The following SHC3 variants were observed in gnomAD, a reference collection of about 807,000 sequenced individuals.
The protein encoded by SHC3 is SHC-transforming protein 3.
A neutral mutation model predicts 60.4 loss-of-function variants in SHC3; 15 were observed. The ratio of observed to expected loss-of-function variants is 0.25; its 90% CI spans 0.17 to 0.38. The LOEUF is 0.38. Ranked by LOEUF, SHC3 falls within the 10% of genes least tolerant of loss-of-function variation. The pLI is 1.00. For missense variants in SHC3, 677 were observed against 786.1 expected (o/e 0.86, Z 1.66); for synonymous variants, 294 against 325.9 (o/e 0.90, Z 1.05).
At chr9:89,030,173 G>A (rs1233422379) in intron 11 of SHC3, among the ~76,000 whole-genome samples, 1 of 151,954 alleles carries the variant, frequency 6.6e-6, no homozygotes, top group African/African-American at 2.4e-5. Context: ...TATCCATCAG[G>A]GAGATACAAA....
At chr9:89,131,888 A>T (rs1269796579) in intron 1 of SHC3, among the ~76,000 whole-genome samples, 1 of 152,150 alleles carries the variant, frequency 6.6e-6, no homozygotes, top group African/African-American at 2.4e-5. Context: ...TATTCAACAT[A>T]GTGTTGGAAG....
At chr9:89,106,925 C>G (rs1217210924) in intron 2 of SHC3, among the ~76,000 whole-genome samples, 2 of 152,014 alleles carry the variant, frequency 1.3e-5, no homozygotes, top group East Asian at 1.9e-4. Context: ...CAGAATGAGG[C>G]CTGGAGGAAG....
intron 1 of SHC3, among the ~76,000 whole-genome samples, chr9:89,117,626 T>C (rs1007728450): frequency 6.6e-6 from 1 of 152,188 alleles, no homozygotes. Context: ...AAATTATGAC[T>C]GTAGTAATTA....
intron 1 of SHC3, among the ~76,000 whole-genome samples, chr9:89,121,892 A>G (rs1826097618): frequency 6.6e-6 from 1 of 152,238 alleles, no homozygotes; most frequent in Non-Finnish European, 1.5e-5. Context: ...AATTACAGCA[A>G]TTGCACAGAG....
At chr9:89,157,626 T>A (rs1826642326) in intron 1 of SHC3, among the ~76,000 whole-genome samples, 1 of 151,466 alleles carries the variant, frequency 6.6e-6, no homozygotes. Flanking sequence ...GTTTAACAAT[T>A]TTTTTTTTAT....
intron 1 of SHC3, among the ~76,000 whole-genome samples, chr9:89,122,203 C>T (rs936597639): frequency 3.3e-5 from 5 of 152,232 alleles, no homozygotes; most frequent in Non-Finnish European, 5.9e-5. Context: ...ATACCAGTGA[C>T]AGAACAGCAA....
chr9:89,097,964 C>A (rs1825729831), intron 2 of SHC3, among the ~76,000 whole-genome samples: 1 of 152,136 alleles, frequency 6.6e-6, no homozygotes. Context: ...ATCAAAGATG[C>A]ACATAAAAAT....
chr9:89,112,476 T>C, intron 2 of SHC3, 80 bp downstream of exon 2: 1 of 1,512,948 alleles, frequency 6.6e-7, no homozygotes, highest in East Asian at 2.3e-5. Flanking sequence ...TCTTTTCTTC[T>C]AAAAATGTGT....
chr9:89,158,302 G>T (rs1826656132), intron 1 of SHC3, among the ~76,000 whole-genome samples: 1 of 151,888 alleles, frequency 6.6e-6, no homozygotes, highest in Admixed American at 6.6e-5. Flanking sequence ...AAAGTTTGGA[G>T]ATTTTCTTAT....
chr9:89,168,264 G>A (rs1457637364), intron 1 of SHC3, among the ~76,000 whole-genome samples: 1 of 152,130 alleles, frequency 6.6e-6, no homozygotes, highest in Non-Finnish European at 1.5e-5. Flanking sequence ...TCGGGAGTTC[G>A]AGACCAGCCA....
intron 2 of SHC3, among the ~76,000 whole-genome samples, chr9:89,097,544 G>A (rs35738012): frequency 0.13 from 19,878 of 152,240 alleles, 1,720 homozygotes; most frequent in Non-Finnish European, 0.19. Context: ...TAACTTCTTC[G>A]CATGGAGTTT....
At chr9:89,097,655 G>A (rs1253940956) in intron 2 of SHC3, among the ~76,000 whole-genome samples, 1 of 152,122 alleles carries the variant, frequency 6.6e-6, no homozygotes, top group African/African-American at 2.4e-5. Context: ...AACAAATAAT[G>A]ATTGAGCACC....
Position 89,013,485 on chromosome 9 carries a change from C to G in SHC3, c.1747G>C (p.Glu583Gln). The G allele has an allele frequency of 6.2e-7, 1 of 1,613,688 alleles. No homozygotes were observed. The highest frequency in any genetic ancestry group is 8.5e-7 in the Non-Finnish European group (1 of 1,179,794). The change falls in exon 12 of 12, where the codon GAG becomes CAG. Residue 583 changes from glutamate (E) to glutamine (Q), a missense_variant. Glu to Gln is a conservative substitution (Grantham distance 29). Coordinates refer to ENST00000375835, the MANE Select transcript of SHC3 (RefSeq NM_016848.6). Reference sequence around the variant, plus strand: ...TCCACTGGCTGCTGGAGACACAGCTCACTCCCTGCAGAGACAATGGGCAGG... The same window carrying G: ...TCCACTGGCTGCTGGAGACACAGCTGACTCCCTGCAGAGACAATGGGCAGG... The part of the protein sequence containing the change: ...SSLPIVSAGS[E>Q]LCLQQPVERK...
At chr9:89,106,159 G>C (rs1489531481) in intron 2 of SHC3, among the ~76,000 whole-genome samples, 1 of 152,138 alleles carries the variant, frequency 6.6e-6, no homozygotes, top group East Asian at 1.9e-4. Context: ...TCTCTGCTGA[G>C]TATTAGTGTG....
intron 1 of SHC3, among the ~76,000 whole-genome samples, chr9:89,139,287 T>A (rs1019438711): frequency 6.6e-6 from 1 of 152,192 alleles, no homozygotes; most frequent in African/African-American, 2.4e-5. Context: ...GAGACTAGAA[T>A]CTAATAACAA....
chr9:89,039,801 C>A (rs1166456128), intron 10 of SHC3, among the ~76,000 whole-genome samples: 1 of 151,884 alleles, frequency 6.6e-6, no homozygotes, highest in Non-Finnish European at 1.5e-5. Flanking sequence ...TCACCACCAC[C>A]ATTACCATCA....
chr9:89,038,394 T>C lies in SHC3; in HGVS notation c.1361-106A>G. The C allele has an allele frequency of 4.0e-6, 5 of 1,251,844 alleles. No homozygotes were observed. In the South Asian group the frequency reaches 8.0e-5, roughly 20 times the overall value. 77.5% of individuals were successfully genotyped at this position (1,251,844 alleles called of 1,614,324 possible). ...AGAGAGATGGAAATGCAAAGGCAAC[T>C]CCTCCAGAAGGGGAAAACAAAAACC... On this transcript the variant is annotated intron_variant, in intron 10 of 11. Transcript: ENST00000375835.
At position 89,076,138 on chromosome 9, in the gene SHC3, G is replaced by A. The variant is rs920160690; in HGVS notation, c.610-910C>T. Among the ~76,000 whole-genome samples the A allele has an allele frequency of 2.6e-5, 4 of 152,076 alleles. No homozygotes were observed. The East Asian group carries it at 7.7e-4, about 29-fold the overall frequency. On this transcript the variant is annotated intron_variant, in intron 3 of 11. Coordinates refer to ENST00000375835, the MANE Select transcript of SHC3 (RefSeq NM_016848.6). ...TTTCCACCAAGAGAACCATGAGGAT[G>A]CCCCAGGATGAGCTGGGACCTGGAA...
At chr9:89,107,495 T>C (rs1211114382) in intron 2 of SHC3, among the ~76,000 whole-genome samples, 1 of 152,232 alleles carries the variant, frequency 6.6e-6, no homozygotes. Flanking sequence ...TCCAGCCTAC[T>C]TTATTCCAAA....
Sources: allele counts gnomAD v4.1 joint callset (sites outside exome capture counted in the v4.1 genomes callset), GRCh38; gene constraint gnomAD v4.1.1; transcripts MANE v1.5; gene names NCBI Gene and HGNC (gene_info 2026-07-23, HGNC 2026-07-21).